CALD1: variants seen among roughly 807,000 people sequenced by gnomAD.
CALD1 encodes caldesmon.
CALD1 carries 33 observed loss-of-function variants against 99.9 expected under a neutral mutation model. The ratio of observed to expected loss-of-function variants is 0.33; its 90% CI spans 0.25 to 0.44. The LOEUF (loss-of-function observed/expected upper bound fraction) is 0.44. Among genes scored for constraint, CALD1 ranks in the 20% least tolerant of loss-of-function variants. CALD1 has a pLI of 1.00. For missense variants in CALD1, 861 were observed against 962.1 expected (o/e 0.89, Z 1.39); for synonymous variants, 310 against 325.0 (o/e 0.95, Z 0.50).
intron 3 of CALD1, among the ~76,000 whole-genome samples, chr7:134,896,640 C>T (rs1802595339): frequency 6.6e-6 from 1 of 152,228 alleles, no homozygotes; most frequent in Non-Finnish European, 1.5e-5. Context: ...ACAAGCCTTT[C>T]AAACCTATTG....
At chr7:134,866,831 G>A (rs1157110465) in intron 2 of CALD1, 1 of 152,194 alleles carries the variant, frequency 6.6e-6, no homozygotes, top group Non-Finnish European at 1.5e-5. Context: ...ATTCCAGGCT[G>A]AGTTTAACTA....
intron 3 of CALD1, among the ~76,000 whole-genome samples, chr7:134,915,220 G>T (rs1444674153): frequency 6.6e-6 from 1 of 152,200 alleles, no homozygotes; most frequent in Non-Finnish European, 1.5e-5. Context: ...CCCCCTTGCT[G>T]CCCAGAGCTC....
At chr7:134,792,778 C>T (rs17205087) in intron 1 of CALD1, among the ~76,000 whole-genome samples, 40,235 of 152,086 alleles carry the variant, frequency 0.26, 6,678 homozygotes, top group East Asian at 0.63. Flanking sequence ...TATGTCCCAA[C>T]TCACAATGGT....
chr7:134,937,015 G>C (rs1302198864), intron 6 of CALD1, among the ~76,000 whole-genome samples: 1 of 152,106 alleles, frequency 6.6e-6, no homozygotes, highest in Non-Finnish European at 1.5e-5. Flanking sequence ...AGTTACCTCA[G>C]AACTAAACTC....
At chr7:134,714,314 C>T in the CALD1 span, among the ~76,000 whole-genome samples, 2 of 152,088 alleles carry the variant, frequency 1.3e-5, no homozygotes, top group Admixed American at 1.3e-4. Flanking sequence ...TGCATGGTAC[C>T]CCAAGAACAT....
intron 1 of CALD1, among the ~76,000 whole-genome samples, chr7:134,815,519 T>G (rs1484200569): frequency 1.3e-5 from 2 of 152,106 alleles, no homozygotes; most frequent in Non-Finnish European, 2.9e-5. Context: ...TAAACATGGT[T>G]TTGGCTGTAT....
intron 13 of CALD1, 144 bp from the exon 14 acceptor site, chr7:134,965,162 T>C: frequency 1.6e-6 from 1 of 629,020 alleles, no homozygotes; most frequent in South Asian, 1.9e-5. Flanking sequence ...TGATGGTCCT[T>C]TCAATTCCAT....
intron 1 of CALD1, among the ~76,000 whole-genome samples, chr7:134,837,192 C>G (rs966401303): frequency 6.6e-6 from 1 of 152,042 alleles, no homozygotes; most frequent in African/African-American, 2.4e-5. Context: ...AAGAATTGAG[C>G]CATTCTACTT....
At chr7:134,796,981 A>G (rs1405078275) in intron 1 of CALD1, among the ~76,000 whole-genome samples, 1 of 151,992 alleles carries the variant, frequency 6.6e-6, no homozygotes, top group Non-Finnish European at 1.5e-5. Flanking sequence ...ACAGACTGCC[A>G]TTCAATTGAA....
At chr7:134,942,156 G>A (rs913752204) in intron 7 of CALD1, among the ~76,000 whole-genome samples, 4 of 152,158 alleles carry the variant, frequency 2.6e-5, no homozygotes, top group African/African-American at 4.8e-5. Flanking sequence ...TTGGGTCCCT[G>A]CAATGTGGAT....
At chr7:134,727,182 C>T in the CALD1 span, among the ~76,000 whole-genome samples, 2 of 152,184 alleles carry the variant, frequency 1.3e-5, no homozygotes, top group African/African-American at 4.8e-5. Context: ...GGTACAGAAT[C>T]TGAACTATCA....
chr7:134,741,716 T>C (rs1050058330), upstream of CALD1, among the ~76,000 whole-genome samples: 4 of 152,200 alleles, frequency 2.6e-5, no homozygotes, highest in Non-Finnish European at 5.9e-5. Context: ...CTGGTGTTTT[T>C]TACAGTTCGT....
intron 1 of CALD1, among the ~76,000 whole-genome samples, chr7:134,758,760 C>A (rs58639781): frequency 0.056 from 8,472 of 152,212 alleles, 743 homozygotes; most frequent in African/African-American, 0.18. Context: ...TATTGCTATT[C>A]TCATAGTAAC....
At chr7:134,895,439 G>GT (rs1467401064) in intron 3 of CALD1, among the ~76,000 whole-genome samples, 1 of 151,668 alleles carries the variant, frequency 6.6e-6, no homozygotes, top group Non-Finnish European at 1.5e-5. Context: ...TATGAACATA[G>GT]TTTTTTAATC....
At chr7:134,831,535 G>T (rs901016989) in intron 1 of CALD1, among the ~76,000 whole-genome samples, 1 of 152,070 alleles carries the variant, frequency 6.6e-6, no homozygotes, top group African/African-American at 2.4e-5. Flanking sequence ...TGGCCAGGCT[G>T]GTCTTGAACT....
Position 134,938,064 on chromosome 7 carries a change from CT to C in CALD1, c.1386+2300del, listed in dbSNP as rs144726677. On this transcript the variant is annotated intron_variant, in intron 6 of 14. Transcript: ENST00000361675. ...AAACATTAGTGTGCATGCAAATCAC[CT>C]GGCAGTCTTATTAAATGCAGAATCT... 9.8e-3 allele frequency among the ~76,000 whole-genome samples: 1,490 copies of C among 152,284 alleles called. 12 individuals are homozygous for C. The highest frequency in any genetic ancestry group is 0.014 in the Non-Finnish European group (974 of 68,024).
intron 1 of CALD1, among the ~76,000 whole-genome samples, chr7:134,784,800 G>A (rs1585924754): frequency 1.3e-5 from 2 of 152,204 alleles, no homozygotes; most frequent in East Asian, 1.9e-4. Context: ...TCCCAGCCGC[G>A]GTCCATGGAT....
chr7:134,827,471 C>T (rs1172081286), intron 1 of CALD1, among the ~76,000 whole-genome samples: 1 of 152,230 alleles, frequency 6.6e-6, no homozygotes, highest in Non-Finnish European at 1.5e-5. Context: ...CCTCTCACAA[C>T]AACCATGCAA....
chr7:134,939,861 T>C (rs1006993433), intron 6 of CALD1, among the ~76,000 whole-genome samples: 1 of 151,964 alleles, frequency 6.6e-6, no homozygotes, highest in African/African-American at 2.4e-5. Flanking sequence ...CTACTCAGGA[T>C]GCTAAGGCGG....
Sources: gnomAD v4.1 joint callset for allele counts (sites outside exome capture counted in the v4.1 genomes callset) on GRCh38, gnomAD v4.1.1 for gene constraint, MANE v1.5 for transcripts, NCBI Gene and HGNC (gene_info 2026-07-23, HGNC 2026-07-21) for gene names.